Variants in CACNB4 observed in about 807,000 individuals in gnomAD.
CACNB4 encodes the protein voltage-dependent L-type calcium channel subunit beta-4.
CACNB4 carries 32 observed loss-of-function variants against 71.2 expected under a neutral mutation model. That is an observed-to-expected ratio of 0.45 (90% CI 0.34 to 0.60). The LOEUF (loss-of-function observed/expected upper bound fraction) is 0.60, where lower values mean the gene tolerates loss of function less well. Among genes scored for constraint, CACNB4 ranks in the 20% least tolerant of loss-of-function variants. The pLI, the probability that CACNB4 is intolerant of heterozygous loss-of-function variation, is 0.01. For missense variants in CACNB4, 464 were observed against 647.9 expected (o/e 0.72, Z 3.08); for synonymous variants, 231 against 236.9 (o/e 0.97, Z 0.23).
At chr2:152,076,456 C>G (rs1687030733) in intron 2 of CACNB4, among the ~76,000 whole-genome samples, 1 of 151,970 alleles carries the variant, frequency 6.6e-6, no homozygotes, top group Non-Finnish European at 1.5e-5. Flanking sequence ...GCTACTGCGC[C>G]TGGCCGCTTT....
chr2:151,841,814 A>C, intron 13 of CACNB4, 89 bp downstream of exon 13: 3 of 1,050,656 alleles, frequency 2.9e-6, no homozygotes, highest in Non-Finnish European at 4.4e-6. Context: ...TCTTCAGATT[A>C]AGGATGACTC....
intron 2 of CACNB4, among the ~76,000 whole-genome samples, chr2:151,896,908 C>T (rs2099852234): frequency 1.3e-5 from 2 of 152,190 alleles, no homozygotes; most frequent in African/African-American, 4.8e-5. Context: ...AATAAGATGC[C>T]CAAGGTCATG....
At chr2:152,099,087 G>C (rs1021156797), upstream of CACNB4, 2 of 957,496 alleles carry the variant, frequency 2.1e-6, no homozygotes, top group Admixed American at 6.9e-5. Flanking sequence ...GCTGCGGACG[G>C]AGGGGGAGGG....
chr2:151,960,295 C>T (rs1238726233), intron 2 of CACNB4, among the ~76,000 whole-genome samples: 1 of 152,140 alleles, frequency 6.6e-6, no homozygotes, highest in Non-Finnish European at 1.5e-5. Flanking sequence ...AGACTCATGG[C>T]AATCATTTTA....
At chr2:152,063,744 G>A (rs902645215) in intron 2 of CACNB4, among the ~76,000 whole-genome samples, 1 of 152,166 alleles carries the variant, frequency 6.6e-6, no homozygotes, top group African/African-American at 2.4e-5. Context: ...GAGGCGGGGG[G>A]CAGGGTTAAT....
intron 2 of CACNB4, among the ~76,000 whole-genome samples, chr2:152,035,201 G>A (rs961524005): frequency 1.3e-5 from 2 of 152,190 alleles, no homozygotes; most frequent in African/African-American, 4.8e-5. Context: ...TTTCTTAAAC[G>A]GATGATTTTC....
intron 2 of CACNB4, among the ~76,000 whole-genome samples, chr2:151,924,195 C>A (rs1223925090): frequency 6.7e-6 from 1 of 150,034 alleles, no homozygotes; most frequent in Non-Finnish European, 1.5e-5. Context: ...TCTCCTGCCT[C>A]AACCTCCCGA....
intron 2 of CACNB4, among the ~76,000 whole-genome samples, chr2:151,985,399 G>A (rs918737820): frequency 6.6e-6 from 1 of 152,114 alleles, no homozygotes; most frequent in African/African-American, 2.4e-5. Context: ...TGTAAATAAT[G>A]CTGGAATTCT....
chr2:151,845,774 T>C (rs943494792), intron 12 of CACNB4, among the ~76,000 whole-genome samples: 1 of 152,204 alleles, frequency 6.6e-6, no homozygotes, highest in Non-Finnish European at 1.5e-5. Context: ...TTTGCCCTTG[T>C]ATGATGGGAT....
chr2:152,031,926 G>A (rs953948754), intron 2 of CACNB4, among the ~76,000 whole-genome samples: 2 of 152,226 alleles, frequency 1.3e-5, no homozygotes, highest in African/African-American at 4.8e-5. Context: ...GTCTTGCCAA[G>A]CCAAGGGTGA....
At chr2:151,981,372 T>C (rs1477762907) in intron 2 of CACNB4, among the ~76,000 whole-genome samples, 1 of 152,114 alleles carries the variant, frequency 6.6e-6, no homozygotes, top group Non-Finnish European at 1.5e-5. Flanking sequence ...TAGTAGATAT[T>C]TGAGGCCTTA....
At chr2:152,013,092 A>G (rs1485453601) in intron 2 of CACNB4, among the ~76,000 whole-genome samples, 1 of 152,248 alleles carries the variant, frequency 6.6e-6, no homozygotes, top group Non-Finnish European at 1.5e-5. Flanking sequence ...CATGCTGCAC[A>G]GGTTTGTAGC....
chr2:151,997,630 A>C (rs757612448), intron 2 of CACNB4, among the ~76,000 whole-genome samples: 16 of 152,178 alleles, frequency 1.1e-4, no homozygotes, highest in Admixed American at 2.0e-4. Flanking sequence ...ACCATGAGCC[A>C]AGAAGTCACG....
intron 2 of CACNB4, among the ~76,000 whole-genome samples, chr2:152,090,438 GAGCTCAGGAGTTCGAGACC>G (rs1270646391): frequency 6.6e-6 from 1 of 152,180 alleles, no homozygotes. Context: ...CGGATCACCT[GAGCTCAGGAGTTCGAGACC>G]AGCCTGACCA....
chr2:151,873,199 G>A (rs1161247780), intron 5 of CACNB4: 1 of 152,150 alleles, frequency 6.6e-6, no homozygotes, highest in Non-Finnish European at 1.5e-5. Context: ...GCGGCATTGG[G>A]GAGACAAAAT....
chr2:152,078,357 C>A (rs1287007043), intron 2 of CACNB4, among the ~76,000 whole-genome samples: 1 of 152,136 alleles, frequency 6.6e-6, no homozygotes, highest in African/African-American at 2.4e-5. Flanking sequence ...ATGTCGACTA[C>A]CAAAGACAAC....
At chr2:152,068,268 C>G (rs542397156) in intron 2 of CACNB4, among the ~76,000 whole-genome samples, 1 of 152,274 alleles carries the variant, frequency 6.6e-6, no homozygotes, top group Admixed American at 6.5e-5. Flanking sequence ...TAGAGGAGAG[C>G]AATATCCCCT....
chr2:152,037,021 A>G (rs908143626), intron 2 of CACNB4, among the ~76,000 whole-genome samples: 3 of 152,164 alleles, frequency 2.0e-5, no homozygotes, highest in African/African-American at 7.2e-5. Flanking sequence ...TCTATCTCCA[A>G]ACGTTCTTGA....
chr2:151,914,931 C>A (rs184709930), intron 2 of CACNB4, among the ~76,000 whole-genome samples: 1 of 152,162 alleles, frequency 6.6e-6, no homozygotes, highest in African/African-American at 2.4e-5. Flanking sequence ...TGTCTGACAA[C>A]CCCTGTTGGA....
Sources: allele counts gnomAD v4.1 joint callset (sites outside exome capture counted in the v4.1 genomes callset), GRCh38; gene constraint gnomAD v4.1.1; transcripts MANE v1.5; gene names NCBI Gene and HGNC (gene_info 2026-07-23, HGNC 2026-07-21).